ABTB3: variants seen among roughly 807,000 people sequenced by gnomAD.
ABTB3 encodes ankyrin repeat and BTB domain containing 3.
the ABTB3 span, among the ~76,000 whole-genome samples, chr12:107,582,274 A>C: frequency 6.6e-6 from 1 of 152,202 alleles, no homozygotes; most frequent in Non-Finnish European, 1.5e-5. Context: ...AGTGCTTTAC[A>C]CAGATGAATA....
At chr12:107,418,968 A>G in the ABTB3 span, among the ~76,000 whole-genome samples, 151 of 152,298 alleles carry the variant, frequency 9.9e-4, 1 homozygote, top group African/African-American at 3.5e-3. Flanking sequence ...CTACTTGCCC[A>G]GGTAGCAGAT....
the ABTB3 span, among the ~76,000 whole-genome samples, chr12:107,359,458 TC>T: frequency 6.6e-6 from 1 of 152,190 alleles, no homozygotes. Flanking sequence ...CTGGGTAAAT[TC>T]AGGGGATCCT....
At chr12:107,568,293 T>C in the ABTB3 span, among the ~76,000 whole-genome samples, 1 of 152,190 alleles carries the variant, frequency 6.6e-6, no homozygotes, top group Non-Finnish European at 1.5e-5. Context: ...CCTAGAATAT[T>C]ATAGGCACTC....
chr12:107,530,828 A>G, the ABTB3 span, among the ~76,000 whole-genome samples: 1 of 152,206 alleles, frequency 6.6e-6, no homozygotes. Flanking sequence ...ATTTTGCTAC[A>G]TTTTGAATTC....
At chr12:107,548,749 G>A in the ABTB3 span, among the ~76,000 whole-genome samples, 1 of 152,180 alleles carries the variant, frequency 6.6e-6, no homozygotes, top group African/African-American at 2.4e-5. Context: ...TTTGATGGGA[G>A]GGGCCATGTG....
chr12:107,596,029 G>A, the ABTB3 span, among the ~76,000 whole-genome samples: 2 of 151,962 alleles, frequency 1.3e-5, no homozygotes, highest in African/African-American at 2.4e-5. Flanking sequence ...AATGCTATGT[G>A]TTTGCTATAA....
chr12:107,494,668 G>A, the ABTB3 span, among the ~76,000 whole-genome samples: 1 of 152,112 alleles, frequency 6.6e-6, no homozygotes, highest in African/African-American at 2.4e-5. Context: ...TCGGAGCCTG[G>A]GCATCTCCTC....
At chr12:107,430,433 A>C in the ABTB3 span, among the ~76,000 whole-genome samples, 1 of 152,232 alleles carries the variant, frequency 6.6e-6, no homozygotes, top group Non-Finnish European at 1.5e-5. Context: ...TTACTCTTGA[A>C]AATTCTGTAC....
At chr12:107,516,222 A>G in the ABTB3 span, among the ~76,000 whole-genome samples, 1 of 141,400 alleles carries the variant, frequency 7.1e-6, no homozygotes, top group African/African-American at 2.7e-5. Flanking sequence ...TCATTCATCC[A>G]TTATTCTTTT....
the ABTB3 span, among the ~76,000 whole-genome samples, chr12:107,495,737 C>T: frequency 2.6e-5 from 4 of 152,190 alleles, no homozygotes; most frequent in African/African-American, 9.7e-5. Flanking sequence ...GGCAGCTTCT[C>T]ATTGTGCCTA....
At chr12:107,425,259 A>G in the ABTB3 span, among the ~76,000 whole-genome samples, 38 of 152,248 alleles carry the variant, frequency 2.5e-4, no homozygotes, top group Admixed American at 1.0e-3. Flanking sequence ...CACACGTAAT[A>G]CTTCCTTATT....
At chr12:107,494,335 G>A in the ABTB3 span, among the ~76,000 whole-genome samples, 1 of 152,194 alleles carries the variant, frequency 6.6e-6, no homozygotes, top group Non-Finnish European at 1.5e-5. Context: ...AAGGGGCTCT[G>A]ACAGAAGAGC....
At chr12:107,521,673 T>A in the ABTB3 span, among the ~76,000 whole-genome samples, 1 of 148,348 alleles carries the variant, frequency 6.7e-6, no homozygotes, top group Non-Finnish European at 1.5e-5. Context: ...TACTTCCATG[T>A]CCCCCCACCC....
chr12:107,598,230 A>G, the ABTB3 span, among the ~76,000 whole-genome samples: 2 of 152,242 alleles, frequency 1.3e-5, no homozygotes, highest in East Asian at 1.9e-4. Context: ...GCCAATTTCC[A>G]TGGTGTAAAT....
the ABTB3 span, among the ~76,000 whole-genome samples, chr12:107,490,918 G>A: frequency 2.0e-5 from 3 of 152,106 alleles, no homozygotes; most frequent in Admixed American, 6.5e-5. Context: ...AGCCCCTTCC[G>A]TAGATGAGAA....
the ABTB3 span, among the ~76,000 whole-genome samples, chr12:107,524,269 G>A: frequency 2.0e-5 from 3 of 152,102 alleles, no homozygotes; most frequent in African/African-American, 4.8e-5. Flanking sequence ...AAGTCACGTC[G>A]GCTGCTGAAA....
At chr12:107,541,204 C>T in the ABTB3 span, among the ~76,000 whole-genome samples, 406 of 152,278 alleles carry the variant, frequency 2.7e-3, 5 homozygotes, top group African/African-American at 7.9e-3. Flanking sequence ...CCTAAGCCTT[C>T]GGAGGAGAAA....
chr12:107,578,839 C>A, the ABTB3 span, among the ~76,000 whole-genome samples: 1 of 152,124 alleles, frequency 6.6e-6, no homozygotes, highest in Non-Finnish European at 1.5e-5. Context: ...ACAGATAGGT[C>A]CACAGGTCCA....
the ABTB3 span, among the ~76,000 whole-genome samples, chr12:107,441,592 T>A: frequency 1.6e-4 from 25 of 151,994 alleles, no homozygotes; most frequent in East Asian, 4.9e-3. Context: ...ACCTGCACAT[T>A]CTGCATATGT....
Sources: gnomAD v4.1 joint callset for allele counts (sites outside exome capture counted in the v4.1 genomes callset) on GRCh38, gnomAD v4.1.1 for gene constraint, MANE v1.5 for transcripts, NCBI Gene and HGNC (gene_info 2026-07-23, HGNC 2026-07-21) for gene names.